Variants in CNIH3 observed in about 807,000 individuals in gnomAD.
CNIH3 encodes the protein protein cornichon homolog 3.
Under a neutral mutation model 24.1 loss-of-function variants are expected in CNIH3, and 14 were observed. That is an observed-to-expected ratio of 0.58 (90% confidence interval 0.38 to 0.91). The LOEUF (loss-of-function observed/expected upper bound fraction) is 0.91, where lower values mean the gene tolerates loss of function less well. Among genes scored for constraint, CNIH3 ranks in the 40% least tolerant of loss-of-function variants. CNIH3 has a pLI of 0.00. For missense variants in CNIH3, 178 were observed against 196.8 expected, an observed-to-expected ratio of 0.90 and a Z score of 0.57; for synonymous variants, 68 against 73.8, an observed-to-expected ratio of 0.92 and a Z score of 0.40.
At chr1:224,537,905 G>C (rs1471346102), downstream of CNIH3, among the ~76,000 whole-genome samples, 1 of 151,980 alleles carries the variant, frequency 6.6e-6, no homozygotes, top group Non-Finnish European at 1.5e-5. Flanking sequence ...AAAGGTAGAG[G>C]ACCCAGGATA....
intron 1 of CNIH3, among the ~76,000 whole-genome samples, chr1:224,442,122 A>T (rs1233692157): frequency 6.6e-6 from 1 of 150,450 alleles, no homozygotes; most frequent in African/African-American, 2.5e-5. Flanking sequence ...GGGCTCAAGC[A>T]ATCCTCCCAC....
At chr1:224,605,583 C>T (rs1682383188) in intron 3 of CNIH3, among the ~76,000 whole-genome samples, 1 of 152,212 alleles carries the variant, frequency 6.6e-6, no homozygotes, top group African/African-American at 2.4e-5. Flanking sequence ...TTTGCAACTT[C>T]CCCAATTAAT....
intron 1 of CNIH3, among the ~76,000 whole-genome samples, chr1:224,507,248 A>G (rs1341700868): frequency 6.6e-6 from 1 of 152,154 alleles, no homozygotes; most frequent in Admixed American, 6.5e-5. Flanking sequence ...CCCAGAAAAG[A>G]GCGGTGCACG....
intron 1 of CNIH3, among the ~76,000 whole-genome samples, chr1:224,633,433 A>G (rs1390301842): frequency 6.6e-6 from 1 of 152,180 alleles, no homozygotes; most frequent in Admixed American, 6.5e-5. Context: ...TGCTGGGCTT[A>G]CAGGCATGAG....
intron 1 of CNIH3, among the ~76,000 whole-genome samples, chr1:224,660,209 G>A (rs1375569133): frequency 1.3e-5 from 2 of 152,200 alleles, no homozygotes; most frequent in Non-Finnish European, 2.9e-5. Flanking sequence ...GGCTGGGGAA[G>A]CCTTACAATC....
intron 1 of CNIH3, among the ~76,000 whole-genome samples, chr1:224,476,472 C>A (rs982078225): frequency 2.6e-5 from 4 of 152,168 alleles, no homozygotes; most frequent in Non-Finnish European, 5.9e-5. Flanking sequence ...AAAGTAATAC[C>A]ATTTACAATA....
At chr1:224,649,692 A>G (rs1684776308) in intron 1 of CNIH3, among the ~76,000 whole-genome samples, 1 of 152,204 alleles carries the variant, frequency 6.6e-6, no homozygotes, top group Non-Finnish European at 1.5e-5. Flanking sequence ...CCGAGGAAAG[A>G]AATCCCAGCG....
At chr1:224,457,168 AAGTG>A (rs1478864809) in intron 1 of CNIH3, among the ~76,000 whole-genome samples, 4 of 152,064 alleles carry the variant, frequency 2.6e-5, no homozygotes, top group Admixed American at 2.0e-4. Flanking sequence ...AGTCAGTGGG[AAGTG>A]AGTAAGAGAT....
chr1:224,490,443 A>T (rs1677198044), intron 1 of CNIH3, among the ~76,000 whole-genome samples: 1 of 152,166 alleles, frequency 6.6e-6, no homozygotes, highest in African/African-American at 2.4e-5. Flanking sequence ...CTGCTCCCCC[A>T]TGGGATGTGG....
At chr1:224,572,191 T>A (rs1446504728) in intron 4 of CNIH3, among the ~76,000 whole-genome samples, 1 of 152,148 alleles carries the variant, frequency 6.6e-6, no homozygotes, top group Non-Finnish European at 1.5e-5. Flanking sequence ...CCAACTTATA[T>A]TTAAAACGGA....
chr1:224,469,923 T>A (rs1341460148), intron 1 of CNIH3, among the ~76,000 whole-genome samples: 1 of 152,190 alleles, frequency 6.6e-6, no homozygotes, highest in Non-Finnish European at 1.5e-5. Flanking sequence ...TTAAAAAAAA[T>A]CTGAAAACAT....
intron 2 of CNIH3, among the ~76,000 whole-genome samples, chr1:224,533,290 C>A (rs1679150825): frequency 6.6e-6 from 1 of 151,088 alleles, no homozygotes; most frequent in African/African-American, 2.4e-5. Flanking sequence ...AGTGGCGCGC[C>A]CTTATATTCC....
intron 1 of CNIH3, among the ~76,000 whole-genome samples, chr1:224,679,409 G>C (rs1381839055): frequency 2.0e-5 from 3 of 152,142 alleles, no homozygotes; most frequent in African/African-American, 7.2e-5. Context: ...GAACAAAAAT[G>C]GGTAGCAGGC....
At chr1:224,591,635 A>G (rs1028020138), downstream of CNIH3, among the ~76,000 whole-genome samples, 1 of 152,204 alleles carries the variant, frequency 6.6e-6, no homozygotes, top group African/African-American at 2.4e-5. Context: ...ACTATGCCGT[A>G]AAACAGCCCA....
At chr1:224,474,882 AAAAT>A (rs869041541) in intron 1 of CNIH3, among the ~76,000 whole-genome samples, 357 of 6,086 alleles carry the variant, frequency 0.059, 6 homozygotes, top group East Asian at 0.48. Flanking sequence ...CAAAAAAATA[AAAAT>A]AAAAAAAAGC....
intron 1 of CNIH3, among the ~76,000 whole-genome samples, chr1:224,676,632 A>T (rs1016066768): frequency 6.6e-6 from 1 of 152,194 alleles, no homozygotes; most frequent in African/African-American, 2.4e-5. Flanking sequence ...GCATTGTAGG[A>T]CACACACGGA....
At chr1:224,567,866 C>T (rs1197497421) in intron 4 of CNIH3, among the ~76,000 whole-genome samples, 3 of 152,140 alleles carry the variant, frequency 2.0e-5, no homozygotes, top group Non-Finnish European at 2.9e-5. Context: ...ATCGAGAACC[C>T]GGAGTAGGGG....
At chr1:224,717,624 G>A (rs137966735) in intron 3 of CNIH3, 5 of 152,094 alleles carry the variant, frequency 3.3e-5, no homozygotes, top group African/African-American at 9.7e-5. Context: ...TTAGGTTTTC[G>A]GTTTATCTCT....
chr1:224,562,752 C>T (rs1039239155), intron 3 of CNIH3, among the ~76,000 whole-genome samples: 1 of 152,026 alleles, frequency 6.6e-6, no homozygotes, highest in Non-Finnish European at 1.5e-5. Context: ...TCTCTCTTGC[C>T]CCGTCCCTCA....
Sources: gnomAD v4.1 joint callset for allele counts (sites outside exome capture counted in the v4.1 genomes callset) on GRCh38, gnomAD v4.1.1 for gene constraint, MANE v1.5 for transcripts, NCBI Gene and HGNC (gene_info 2026-07-23, HGNC 2026-07-21) for gene names.